The following DNAJC16 variants were observed in gnomAD, a reference collection of about 807,000 sequenced individuals.
DNAJC16 encodes the protein dnaJ homolog subfamily C member 16.
Under a neutral mutation model 92.7 loss-of-function variants are expected in DNAJC16, and 76 were observed. The observed-to-expected ratio is 0.82, with a 90% CI of 0.68 to 0.99. The LOEUF (loss-of-function observed/expected upper bound fraction) is 0.99. Among genes scored for constraint, DNAJC16 ranks in the 50% least tolerant of loss-of-function variants. The pLI, the probability that DNAJC16 is intolerant of heterozygous loss-of-function variation, is 0.00. For missense variants in DNAJC16, 869 were observed against 942.4 expected, an observed-to-expected ratio of 0.92 and a Z score of 1.02; for synonymous variants, 328 against 358.7, an observed-to-expected ratio of 0.91 and a Z score of 0.97.
chr1:15,536,934 T>C lies in DNAJC16; in HGVS notation c.574+120T>C, dbSNP rs563826623. On this transcript the variant is annotated intron_variant, in intron 4 of 14. Transcript: ENST00000375847. ...GGTGTGATCTCGGCTCACTGCAACC[T>C]CCACCTCCCGGGTTCAAGTGATTCT... 1.5e-3 allele frequency: 1,212 copies of C among 821,400 alleles called. 1 individual carries two copies. Among genetic ancestry groups the C allele is most frequent in the Middle Eastern group, 3.0e-3 (9 of 2,972 alleles). The allele number at this position is 821,400 out of a possible 1,614,324, so 50.9% of individuals were successfully genotyped here. A position where few individuals can be genotyped will look rare whatever the true frequency, so the allele number is the denominator to read the frequency against.
In DNAJC16 at chr1:15,546,895, G is replaced by A. The variant is rs372278283; in HGVS notation, c.864+24G>A. ...AGGTACTTTCTATGCTAGGATAATG[G>A]TTTCTTTTTCTTTTCTTTTCTTTTT... On this transcript the variant is annotated intron_variant, in intron 6 of 14. Transcript: ENST00000375847. 561 of 1,394,554 alleles carry A rather than the reference G, an allele frequency of 4.0e-4. 1 individual carries two copies. Among genetic ancestry groups the A allele is most frequent in the Non-Finnish European group, 4.9e-4 (505 of 1,031,300 alleles). 86.4% of individuals were successfully genotyped at this position (1,394,554 alleles called of 1,614,324 possible).
Position 15,564,366 on chromosome 1 carries a change from A to G in DNAJC16, c.1598+7A>G. On this transcript the variant is annotated splice_region_variant and intron_variant, in intron 11 of 14. Transcript: ENST00000375847. Reference sequence around the variant, plus strand: ...GCATTTTTCACAACAACTGGTAGGGATATTGCCAGGCTGAATTTCTTTTTC... The same window carrying G: ...GCATTTTTCACAACAACTGGTAGGGGTATTGCCAGGCTGAATTTCTTTTTC... The G allele has an allele frequency of 6.4e-7, 1 of 1,567,240 alleles. No individual in the cohort carries two copies. The highest frequency in any genetic ancestry group is 8.8e-7 in the Non-Finnish European group (1 of 1,137,394).
At chr1:15,532,667 TG>T (rs776807847) in intron 2 of DNAJC16, among the ~76,000 whole-genome samples, 8 of 151,906 alleles carry the variant, frequency 5.3e-5, no homozygotes, top group Non-Finnish European at 1.2e-4. Context: ...GTCAGCCTGA[TG>T]GTTTGGTTGA....
rs540818835 is a variant in DNAJC16, at chr1:15,558,979, G to A, written c.1024-547G>A. On this transcript the variant is annotated intron_variant, in intron 7 of 14. Transcript: ENST00000375847. ...TTTTGAGATGGAGTCTCGCTCTGTC[G>A]CCCAGGCTAAAGTGCAGTGGCGTGA... Among the ~76,000 whole-genome samples, 6 of 152,176 alleles carry A rather than the reference G, an allele frequency of 3.9e-5. 1 individual carries two copies. Among genetic ancestry groups the A allele is most frequent in the South Asian group, 4.1e-4 (2 of 4,822 alleles).
chr1:15,528,364 G>C (rs1234833194), intron 1 of DNAJC16, among the ~76,000 whole-genome samples: 1 of 152,150 alleles, frequency 6.6e-6, no homozygotes, highest in Non-Finnish European at 1.5e-5. Flanking sequence ...AACCTGGGAG[G>C]GGGAGGTTGC....
chr1:15,538,407 TAAAAA>T (rs981700872), intron 4 of DNAJC16, among the ~76,000 whole-genome samples: 1 of 142,798 alleles, frequency 7.0e-6, no homozygotes, highest in Non-Finnish European at 1.5e-5. Context: ...GAAAAAAAAA[TAAAAA>T]GAAAAAAAGG....
chr1:15,542,367 C>T (rs970460322), intron 4 of DNAJC16: 1 of 152,190 alleles, frequency 6.6e-6, no homozygotes, highest in African/African-American at 2.4e-5. Context: ...TTGAGAGTTC[C>T]CAGGTGGCTG....
intron 4 of DNAJC16, among the ~76,000 whole-genome samples, chr1:15,544,151 T>TACACACACACACACACACACGCACACAC (rs1638224879): frequency 7.3e-6 from 1 of 137,192 alleles, no homozygotes. Flanking sequence ...TGTATATGCA[T>TACACACACACACACACACACGCACACAC]ACACACACAC....
chr1:15,567,626 C>A, intron 14 of DNAJC16, 152 bp from the exon 15 acceptor site: 2 of 856,496 alleles, frequency 2.3e-6, no homozygotes, highest in Non-Finnish European at 3.6e-6. Context: ...GAGGCACTGG[C>A]TCCCACAGAA....
intron 6 of DNAJC16, 36 bp downstream of exon 6, chr1:15,546,907 T>C: frequency 4.3e-6 from 6 of 1,404,882 alleles, no homozygotes; most frequent in Non-Finnish European, 4.8e-6. Context: ...TTCTTTTTCT[T>C]TTCTTTTCTT....
At chr1:15,544,242 T>C (rs1638231753) in intron 4 of DNAJC16, among the ~76,000 whole-genome samples, 157 bp from the exon 5 acceptor site, 1 of 150,880 alleles carries the variant, frequency 6.6e-6, no homozygotes, top group Non-Finnish European at 1.5e-5. Flanking sequence ...TGAACCAATC[T>C]AGAATTCCAG....
Position 15,567,998 on chromosome 1 carries a change from G to C in DNAJC16, c.2170G>C (p.Gly724Arg). The part of the protein sequence containing the change: ...QKTVEEEEAI[G>R]SCSDVDSSLY... ...GACAGTCGAAGAGGAGGAAGCCATA[G>C]GGTCGTGCAGTGATGTTGACTCTTC... The change falls in exon 15 of 15, where the codon GGG becomes CGG. Residue 724 changes from glycine (G) to arginine (R), a missense_variant. By Grantham distance (125) the Gly-to-Arg change is moderately radical. Transcript: ENST00000375847. 6.2e-7 allele frequency: 1 copy of C among 1,614,250 alleles called. No individual in the cohort carries two copies. Among genetic ancestry groups the C allele is most frequent in the South Asian group, 1.1e-5 (1 of 91,090 alleles).
chr1:15,531,602 T>C (rs1710662421), intron 2 of DNAJC16, among the ~76,000 whole-genome samples: 1 of 152,246 alleles, frequency 6.6e-6, no homozygotes, highest in South Asian at 2.1e-4. Flanking sequence ...CCTATTAAAA[T>C]GTATAGCTTT....
intron 13 of DNAJC16, 163 bp downstream of exon 13, chr1:15,566,343 C>G (rs904301152): frequency 3.2e-6 from 2 of 632,912 alleles, no homozygotes; most frequent in Non-Finnish European, 5.4e-6. Flanking sequence ...TTTGTGTTTA[C>G]TAAGACCCTG....
At chr1:15,530,183 G>C (rs1040370021) in intron 2 of DNAJC16, among the ~76,000 whole-genome samples, 2 of 151,916 alleles carry the variant, frequency 1.3e-5, no homozygotes, top group South Asian at 2.1e-4. Flanking sequence ...TTGGGAGGCT[G>C]AGGTGGGAGG....
At chr1:15,527,480 C>G (rs774874701) in intron 1 of DNAJC16, among the ~76,000 whole-genome samples, 6 of 152,170 alleles carry the variant, frequency 3.9e-5, no homozygotes, top group Non-Finnish European at 8.8e-5. Context: ...GATGATCCTT[C>G]AAGGTGGTAG....
intron 3 of DNAJC16, 57 bp downstream of exon 3, chr1:15,534,360 G>A: frequency 6.4e-7 from 1 of 1,570,428 alleles, no homozygotes; most frequent in Non-Finnish European, 8.7e-7. Context: ...TGCCTTAGGA[G>A]GTGATGAGTT....
At chr1:15,531,542 AG>A (rs755047794) in intron 2 of DNAJC16, among the ~76,000 whole-genome samples, 3 of 152,264 alleles carry the variant, frequency 2.0e-5, no homozygotes, top group Non-Finnish European at 2.9e-5. Context: ...GACAAGGCAT[AG>A]CCTTTGACAA....
At chr1:15,540,751 T>G (rs1439176599) in intron 4 of DNAJC16, among the ~76,000 whole-genome samples, 1 of 152,208 alleles carries the variant, frequency 6.6e-6, no homozygotes. Context: ...TTTCAGTTTC[T>G]AATTCAGGTT....
Sources: allele counts gnomAD v4.1 joint callset (sites outside exome capture counted in the v4.1 genomes callset), GRCh38; gene constraint gnomAD v4.1.1; transcripts MANE v1.5; gene names NCBI Gene and HGNC (gene_info 2026-07-23, HGNC 2026-07-21).